The following PAK5 variants were observed in gnomAD, a reference collection of about 807,000 sequenced individuals.
PAK5 encodes serine/threonine-protein kinase PAK 5.
In PAK5, 16 loss-of-function variants were observed where a neutral mutation model predicts 65.9. The ratio of observed to expected loss-of-function variants is 0.24; its 90% CI spans 0.16 to 0.37. The LOEUF (loss-of-function observed/expected upper bound fraction) is 0.37. Among genes scored for constraint, PAK5 ranks in the 10% least tolerant of loss-of-function variants. PAK5 has a pLI of 1.00. For missense variants in PAK5, 785 were observed against 903.9 expected, an observed-to-expected ratio of 0.87 and a Z score of 1.69; for synonymous variants, 371 against 354.9, an observed-to-expected ratio of 1.05 and a Z score of -0.51.
At chr20:9,676,328 A>G (rs1346537299) in intron 2 of PAK5, among the ~76,000 whole-genome samples, 2 of 152,142 alleles carry the variant, frequency 1.3e-5, no homozygotes, top group Admixed American at 1.3e-4. Context: ...CAATATATGA[A>G]TTATTTAAAT....
intron 1 of PAK5, among the ~76,000 whole-genome samples, chr20:9,809,303 A>G (rs1444209538): frequency 6.6e-6 from 1 of 151,608 alleles, no homozygotes; most frequent in African/African-American, 2.4e-5. Flanking sequence ...TTAGAGAACA[A>G]GTGATACTAC....
intron 1 of PAK5, among the ~76,000 whole-genome samples, chr20:9,764,353 A>G (rs1297668036): frequency 5.3e-5 from 8 of 152,190 alleles, no homozygotes; most frequent in South Asian, 2.1e-4. Flanking sequence ...AGTGTATCGT[A>G]TGGGGCACAT....
In PAK5 at chr20:9,827,620, G is replaced by A. The variant is rs146659832; in HGVS notation, c.-162+11142C>T. Among the ~76,000 whole-genome samples the A allele has an allele frequency of 6.8e-3, 1,041 of 152,126 alleles. 13 individuals are homozygous for A. Among genetic ancestry groups the A allele is most frequent in the African/African-American group, 0.024 (988 of 41,484 alleles). ...CCAGAACCATGTGGGAGGATTTTGG[G>A]GGAGGGGGAGGGTGGGGGAATGTGG... is the stretch of plus-strand genomic sequence containing the variant. On this transcript the variant is annotated intron_variant, in intron 1 of 9. Transcript: ENST00000353224.
intron 2 of PAK5, among the ~76,000 whole-genome samples, chr20:9,655,294 C>G (rs1164775803): frequency 1.3e-5 from 2 of 152,176 alleles, no homozygotes; most frequent in Non-Finnish European, 2.9e-5. Flanking sequence ...CTACTTTGTT[C>G]CTATCACAAA....
intron 4 of PAK5, among the ~76,000 whole-genome samples, chr20:9,568,762 C>G (rs2045725510): frequency 6.6e-6 from 1 of 152,144 alleles, no homozygotes; most frequent in Non-Finnish European, 1.5e-5. Flanking sequence ...AGCCCAGGAG[C>G]TCAAGGCTGC....
intron 2 of PAK5, among the ~76,000 whole-genome samples, chr20:9,660,843 G>T (rs78954886): frequency 6.6e-6 from 1 of 152,060 alleles, no homozygotes; most frequent in East Asian, 1.9e-4. Flanking sequence ...GCCAAACAGA[G>T]GGACATGAGA....
chr20:9,736,731 T>C (rs2123570801), intron 1 of PAK5, among the ~76,000 whole-genome samples: 1 of 152,306 alleles, frequency 6.6e-6, no homozygotes, highest in South Asian at 2.1e-4. Context: ...AGAAATAACT[T>C]TAAGTTTCGC....
chr20:9,596,905 C>A (rs2046280231), intron 3 of PAK5, among the ~76,000 whole-genome samples: 1 of 152,138 alleles, frequency 6.6e-6, no homozygotes, highest in African/African-American at 2.4e-5. Flanking sequence ...TCCAAGGGAG[C>A]AGGTCTGGCA....
intron 2 of PAK5, among the ~76,000 whole-genome samples, chr20:9,647,367 A>AAATTTTAG (rs1311925483): frequency 8.5e-5 from 13 of 152,228 alleles, no homozygotes; most frequent in Non-Finnish European, 1.3e-4. Context: ...ACAGTTCAAG[A>AAATTTTAG]AATTTTAGCT....
chr20:9,782,004 C>G (rs2048945586), intron 1 of PAK5, among the ~76,000 whole-genome samples: 1 of 152,114 alleles, frequency 6.6e-6, no homozygotes, highest in South Asian at 2.1e-4. Context: ...CCTACATGTC[C>G]CTCAGAGTAA....
chr20:9,648,336 T>C (rs2123289069), intron 2 of PAK5, among the ~76,000 whole-genome samples: 1 of 152,324 alleles, frequency 6.6e-6, no homozygotes, highest in Admixed American at 6.5e-5. Flanking sequence ...TAACAACACA[T>C]GTAAAAAGCC....
At position 9,761,049 on chromosome 20, in the gene PAK5, A is replaced by G. The variant is rs566117731; in HGVS notation, c.-161-49614T>C. On this transcript the variant is annotated intron_variant, in intron 1 of 9. Coordinates refer to ENST00000353224, the MANE Select transcript of PAK5 (RefSeq NM_177990.4). ...AGTTTTCCTTAGAGCATAAGCATAT[A>G]AAGTATCACTAGTGTCATTTCAGAG... 6.6e-4 allele frequency among the ~76,000 whole-genome samples: 101 copies of G among 152,352 alleles called. 1 individual carries two copies. In the South Asian group the frequency reaches 0.021, roughly 31 times the overall value.
intron 4 of PAK5, among the ~76,000 whole-genome samples, chr20:9,578,092 G>C (rs1211387624): frequency 6.6e-6 from 1 of 152,144 alleles, no homozygotes. Context: ...GAGTCCCCGA[G>C]ATAACATACG....
intron 2 of PAK5, among the ~76,000 whole-genome samples, chr20:9,707,575 C>G (rs142375808): frequency 3.3e-4 from 50 of 152,288 alleles, no homozygotes; most frequent in Middle Eastern, 3.4e-3. Context: ...CCAGGAGGTA[C>G]AGTCTATTTC....
In PAK5 at chr20:9,815,864, C is replaced by G. The variant is rs143615787; in HGVS notation, c.-162+22898G>C. The stretch of plus-strand genomic sequence containing the variant: ...AGACTGTCACATAACTCAAACCAAC[C>G]AGCCCCTTCTCTAGTGTTCCCTTCC... On this transcript the variant is annotated intron_variant, in intron 1 of 9. Coordinates refer to ENST00000353224, the MANE Select transcript of PAK5 (RefSeq NM_177990.4). Among the ~76,000 whole-genome samples the G allele has an allele frequency of 5.8e-3, 884 of 152,224 alleles. 6 individuals are homozygous for G. Among genetic ancestry groups the G allele is most frequent in the African/African-American group, 0.02 (847 of 41,526 alleles).
chr20:9,551,784 G>A (rs765888956), intron 7 of PAK5, among the ~76,000 whole-genome samples: 4 of 152,196 alleles, frequency 2.6e-5, no homozygotes, highest in Admixed American at 6.5e-5. Context: ...TGGGTACCAC[G>A]TAGCCTGAGT....
At chr20:9,805,069 T>C (rs2049215328) in intron 1 of PAK5, among the ~76,000 whole-genome samples, 1 of 152,076 alleles carries the variant, frequency 6.6e-6, no homozygotes, top group South Asian at 2.1e-4. Flanking sequence ...ACACAGAATG[T>C]GAATAGACAT....
intron 1 of PAK5, among the ~76,000 whole-genome samples, chr20:9,741,138 C>CT (rs935121093): frequency 6.6e-6 from 1 of 152,110 alleles, no homozygotes; most frequent in African/African-American, 2.4e-5. Flanking sequence ...GTGCACTTTA[C>CT]TTTTTAAATT....
chr20:9,754,520 G>A (rs1306565801), intron 1 of PAK5, among the ~76,000 whole-genome samples: 1 of 152,096 alleles, frequency 6.6e-6, no homozygotes, highest in Non-Finnish European at 1.5e-5. Flanking sequence ...AAAATATCTT[G>A]AGCACCAGTC....
Sources: gnomAD v4.1 joint callset for allele counts (sites outside exome capture counted in the v4.1 genomes callset) on GRCh38, gnomAD v4.1.1 for gene constraint, MANE v1.5 for transcripts, NCBI Gene and HGNC (gene_info 2026-07-23, HGNC 2026-07-21) for gene names.